Variants in TBRG4 observed in about 807,000 individuals in gnomAD.
TBRG4 encodes transforming growth factor beta regulator 4, also known as FAST kinase domain-containing protein 4.
Under a neutral mutation model 65.6 loss-of-function variants are expected in TBRG4, and 43 were observed. The observed-to-expected ratio is 0.66, with a 90% CI of 0.51 to 0.85. The LOEUF (loss-of-function observed/expected upper bound fraction) is 0.85. Ranked by LOEUF, TBRG4 falls within the 40% of genes least tolerant of loss-of-function variation. The pLI is 0.00. For missense variants in TBRG4, 709 were observed against 787.9 expected, an observed-to-expected ratio of 0.90 and a Z score of 1.20; for synonymous variants, 366 against 341.4, an observed-to-expected ratio of 1.07 and a Z score of -0.79.
intron 3 of TBRG4, 77 bp downstream of exon 3, chr7:45,105,364 A>C: frequency 6.8e-7 from 1 of 1,476,990 alleles, no homozygotes; most frequent in African/African-American, 1.4e-5. Context: ...ACCCCTCTGC[A>C]GACAACTGTC....
rs1223921111 is a variant in TBRG4, at chr7:45,100,397, C to A, written c.1824G>T (p.Lys608Asn). The change falls in exon 11 of 11, where the codon AAG becomes AAT. Residue 608 changes from lysine (K) to asparagine (N), a missense_variant. Lys to Asn is a moderately conservative substitution (Grantham distance 94, BLOSUM62 0). Coordinates refer to ENST00000258770, the MANE Select transcript of TBRG4 (RefSeq NM_004749.4). ...DVPFYEWLEL[K>N]SEWQKGAYLK... ...GGTAGGCGCCTTTCTGCCATTCAGA[C>A]TTGAGTTCCAGCCACTCATAGAATG... 6.2e-7 allele frequency: 1 copy of A among 1,614,062 alleles called. No homozygotes were observed. The highest frequency in any genetic ancestry group is 8.5e-7 in the Non-Finnish European group (1 of 1,180,042).
intron 1 of TBRG4, 105 bp downstream of exon 1, chr7:45,111,538 C>T (rs1242792464): frequency 1.6e-6 from 2 of 1,239,702 alleles, no homozygotes; most frequent in African/African-American, 1.5e-5. Flanking sequence ...GCGTCCCAGC[C>T]TGCTCCCCAG....
At position 45,105,576 on chromosome 7, in the gene TBRG4, C is replaced by A. The variant is rs780242052; in HGVS notation, c.600G>T (p.Ser200=). 65 of 1,614,046 alleles carry A rather than the reference C, an allele frequency of 4.0e-5. No homozygotes were observed. Among genetic ancestry groups the A allele is most frequent in the Non-Finnish European group, 5.1e-5 (60 of 1,180,038 alleles). The change falls in exon 3 of 11, where the codon TCG becomes TCT. Residue 200 remains serine (S), a synonymous_variant. Coordinates refer to ENST00000258770, the MANE Select transcript of TBRG4 (RefSeq NM_004749.4). ...SCATLSQEQH[S]QELLAELLTH... ...TGAGCAGCTCAGCCAGCAGCTCCTGCGAGTGCTGCTCCTGTGAGAGGGTGG... is the reference window on the plus strand; with the variant it reads ...TGAGCAGCTCAGCCAGCAGCTCCTGAGAGTGCTGCTCCTGTGAGAGGGTGG...
At chr7:45,107,970 T>C (rs944704433) in intron 2 of TBRG4, among the ~76,000 whole-genome samples, 3 of 152,216 alleles carry the variant, frequency 2.0e-5, no homozygotes, top group Admixed American at 1.3e-4. Context: ...CATGAGACAT[T>C]AGTGAATCCC....
chr7:45,102,225 G>A, intron 7 of TBRG4, 122 bp downstream of exon 7: 1 of 1,547,538 alleles, frequency 6.5e-7, no homozygotes, highest in Non-Finnish European at 8.8e-7. Context: ...TACAGGGAGA[G>A]GATGGAGAGC....
chr7:45,109,394 G>A (rs1785060140), intron 1 of TBRG4, 107 bp from the exon 2 acceptor site: 1 of 965,534 alleles, frequency 1.0e-6, no homozygotes, highest in Admixed American at 3.5e-5. Flanking sequence ...ATCAGACTAA[G>A]TCTTTCTTGA....
At chr7:45,103,295 A>G (rs1784829049) in intron 6 of TBRG4, 38 bp downstream of exon 6, 1 of 1,514,060 alleles carries the variant, frequency 6.6e-7, no homozygotes, top group South Asian at 1.2e-5. Flanking sequence ...GCTGAAGGGG[A>G]GGATAAAGGT....
In TBRG4 at chr7:45,102,335, C is replaced by A. The variant is rs761965281; in HGVS notation, c.1321+12G>T. On this transcript the variant is annotated intron_variant, in intron 7 of 10. Coordinates refer to ENST00000258770, the MANE Select transcript of TBRG4 (RefSeq NM_004749.4). Reference sequence around the variant, plus strand: ...TTCCCAGTTCCAGTAGTACTAGGGGCAGGGGGCTCACCTAGAAATTGGATG... The same window carrying A: ...TTCCCAGTTCCAGTAGTACTAGGGGAAGGGGGCTCACCTAGAAATTGGATG... 6.2e-7 allele frequency: 1 copy of A among 1,614,022 alleles called. No homozygotes were observed. The highest frequency in any genetic ancestry group is 1.7e-5 in the Admixed American group (1 of 60,010).
chr7:45,111,332 C>T (rs1308630747), intron 1 of TBRG4: 1 of 169,558 alleles, frequency 5.9e-6, no homozygotes, highest in African/African-American at 2.4e-5. Context: ...TTTAGGCAAA[C>T]AGCAATCCAA....
chr7:45,101,196 CCT>C (rs1784753074), intron 10 of TBRG4, 60 bp downstream of exon 10: 3 of 1,524,804 alleles, frequency 2.0e-6, no homozygotes, highest in East Asian at 2.3e-5. Context: ...CACCTGATCC[CCT>C]CTCTAGCGTG....
In TBRG4 at chr7:45,111,453, C is replaced by A. The variant is rs138533747; in HGVS notation, c.-51+190G>T. ...GCGGCGTCTTCCAGGCCTGGCCGCG[C>A]GGGCTAGAGAGGAAGCGTGCGCACT... On this transcript the variant is annotated intron_variant, in intron 1 of 10. Coordinates refer to ENST00000258770, the MANE Select transcript of TBRG4 (RefSeq NM_004749.4). 1.1e-3 allele frequency: 588 copies of A among 545,012 alleles called. 14 individuals are homozygous for A. In the South Asian group the frequency reaches 0.012, roughly 11 times the overall value. 33.8% of individuals were successfully genotyped at this position (545,012 alleles called of 1,614,324 possible).
Position 45,101,845 on chromosome 7 carries a change from G to A in TBRG4, c.1547C>T (p.Thr516Met), listed in dbSNP as rs1444716801. The A allele has an allele frequency of 1.3e-5, 21 of 1,607,064 alleles. No homozygotes were observed. The highest frequency in any genetic ancestry group is 1.7e-5 in the Non-Finnish European group (20 of 1,179,582). ...SADKGSLEVA[T>M]QYGWVLDAEV... Reference sequence around the variant, plus strand: ...CTCACCCAGCACCCAGCCATACTGCGTGGCCACCTCGAGGCTGCCCTTGTC... The same window carrying A: ...CTCACCCAGCACCCAGCCATACTGCATGGCCACCTCGAGGCTGCCCTTGTC... The change falls in exon 8 of 11, where the codon ACG becomes ATG. Residue 516 changes from threonine to methionine, a missense_variant. By Grantham distance (81) the Thr-to-Met change is moderately conservative. Transcript: ENST00000258770.
chr7:45,104,472 A>T (rs1784872727), intron 4 of TBRG4, 66 bp downstream of exon 4: 1 of 1,611,958 alleles, frequency 6.2e-7, no homozygotes, highest in African/African-American at 1.3e-5. Context: ...ACTGAATTTG[A>T]CACGGCTGCA....
At position 45,109,025 on chromosome 7, in the gene TBRG4, C is replaced by T; in HGVS notation, c.213G>A (p.Gln71=). 1 of 1,612,246 alleles carries T rather than the reference C, an allele frequency of 6.2e-7. No homozygotes were observed. The highest frequency in any genetic ancestry group is 1.1e-5 in the South Asian group (1 of 90,860). ...ERASTPYIEK[Q]VDHLIKKATR... ...TGGCCTTCTTGATGAGGTGGTCCAC[C>T]TGCTTCTCTATGTAGGGAGTAGATG... The change falls in exon 2 of 11, where the codon CAG becomes CAA. Residue 71 remains glutamine, a synonymous_variant. Coordinates refer to ENST00000258770, the MANE Select transcript of TBRG4 (RefSeq NM_004749.4).
intron 10 of TBRG4, 45 bp downstream of exon 10, chr7:45,101,212 TG>T: frequency 6.3e-7 from 1 of 1,575,152 alleles, no homozygotes; most frequent in Non-Finnish European, 8.7e-7. Flanking sequence ...TAGCGTGGGT[TG>T]GGGATTCTCC....
Position 45,102,505 on chromosome 7 carries a change from G to A in TBRG4, c.1177-14C>T, listed in dbSNP as rs1784800301. ...CTTCTCATGTACCTGGGCAAGGATA[G>A]AGTGTGGTGGAGAAAGCAGGCTCTC... On this transcript the variant is annotated splice_polypyrimidine_tract_variant and intron_variant, in intron 6 of 10. Coordinates refer to ENST00000258770, the MANE Select transcript of TBRG4 (RefSeq NM_004749.4). The A allele has an allele frequency of 1.2e-6, 2 of 1,604,568 alleles. No individual in the cohort carries two copies. Among genetic ancestry groups the A allele is most frequent in the Admixed American group, 3.3e-5 (2 of 59,868 alleles).
chr7:45,102,200 G>A (rs1444548686), intron 7 of TBRG4, 130 bp from the exon 8 acceptor site: 14 of 1,530,700 alleles, frequency 9.1e-6, no homozygotes, highest in Admixed American at 1.9e-5. Flanking sequence ...GCAGAGTTAC[G>A]GTCTGCTGGC....
At chr7:45,106,432 A>G (rs1238284660) in intron 2 of TBRG4, 1 of 160,944 alleles carries the variant, frequency 6.2e-6, no homozygotes, top group African/African-American at 2.4e-5. Flanking sequence ...AGCCTGATGG[A>G]TGTCACCTGA....
In TBRG4 at chr7:45,105,604, C is replaced by T. The variant is rs931486107; in HGVS notation, c.572G>A (p.Cys191Tyr). ...YKHLAFLAES[C>Y]ATLSQEQHSQ... ...GTGCTGCTCCTGTGAGAGGGTGGCA[C>T]AGGACTCTGCCAGGAAGGCCAGGTG... is the stretch of plus-strand genomic sequence containing the variant. The change falls in exon 3 of 11, where the codon TGT becomes TAT. Residue 191 changes from cysteine (C) to tyrosine (Y), a missense_variant. Transcript: ENST00000258770. 1.2e-6 allele frequency: 2 copies of T among 1,614,164 alleles called. No individual in the cohort carries two copies. The highest frequency in any genetic ancestry group is 1.1e-5 in the South Asian group (1 of 91,090).
Sources: allele counts gnomAD v4.1 joint callset (sites outside exome capture counted in the v4.1 genomes callset), GRCh38; gene constraint gnomAD v4.1.1; transcripts MANE v1.5; gene names NCBI Gene and HGNC (gene_info 2026-07-23, HGNC 2026-07-21).